Variants in TSPAN2 observed in about 807,000 individuals in gnomAD.
TSPAN2 encodes the protein tetraspanin-2.
In TSPAN2, 24 loss-of-function variants were observed where a neutral mutation model predicts 33.3. The ratio of observed to expected loss-of-function variants is 0.72; its 90% CI spans 0.52 to 1.01. The LOEUF (loss-of-function observed/expected upper bound fraction) is 1.01, where lower values mean the gene tolerates loss of function less well. Among genes scored for constraint, TSPAN2 ranks in the 50% least tolerant of loss-of-function variants. The probability of loss-of-function intolerance (pLI) is 0.00; values close to 1 mark genes in which losing one functional copy is unlikely to be tolerated. For missense variants in TSPAN2, 278 were observed against 281.3 expected, an observed-to-expected ratio of 0.99 and a Z score of 0.08; for synonymous variants, 114 against 104.5, an observed-to-expected ratio of 1.09 and a Z score of -0.56.
chr1:115,054,465 C>T (rs1019504075), intron 6 of TSPAN2, among the ~76,000 whole-genome samples: 45 of 152,158 alleles, frequency 3.0e-4, no homozygotes, highest in African/African-American at 1.1e-3. Context: ...CAAGAGATAC[C>T]TATAATGCAT....
intron 1 of TSPAN2, among the ~76,000 whole-genome samples, chr1:115,080,786 T>C (rs896541593): frequency 3.9e-5 from 6 of 152,202 alleles, no homozygotes; most frequent in Non-Finnish European, 5.9e-5. Flanking sequence ...TGGTCTTTTC[T>C]AGGTTCAGCG....
intron 3 of TSPAN2, among the ~76,000 whole-genome samples, chr1:115,061,113 A>C (rs1329754377): frequency 1.3e-5 from 2 of 152,242 alleles, no homozygotes; most frequent in African/African-American, 4.8e-5. Context: ...TAAACAAGAC[A>C]GAAATGTGCT....
Position 115,083,373 on chromosome 1 carries a change from T to G in TSPAN2, c.69+5991A>C, listed in dbSNP as rs903464277. Among the ~76,000 whole-genome samples the G allele has an allele frequency of 9.9e-5, 15 of 152,110 alleles. 1 individual carries two copies. Among genetic ancestry groups the G allele is most frequent in the Admixed American group, 7.9e-4 (12 of 15,268 alleles). ...GGCCTCCCGGTAATTCCAGAAAGCA[T>G]CAAGTATTAGCGTAAAAAAGAGACT... On this transcript the variant is annotated intron_variant, in intron 1 of 7. Coordinates refer to ENST00000369516, the MANE Select transcript of TSPAN2 (RefSeq NM_005725.6).
intron 6 of TSPAN2, among the ~76,000 whole-genome samples, chr1:115,056,399 G>C (rs942134329): frequency 6.6e-6 from 1 of 152,120 alleles, no homozygotes; most frequent in Non-Finnish European, 1.5e-5. Context: ...CACGTCACCA[G>C]TTGGTTCCTT....
At chr1:115,056,999 C>G (rs746776489) in intron 6 of TSPAN2, among the ~76,000 whole-genome samples, 17 of 152,250 alleles carry the variant, frequency 1.1e-4, no homozygotes, top group Non-Finnish European at 2.1e-4. Flanking sequence ...CCTCATCCTT[C>G]TTTTCTTCCA....
chr1:115,053,292 A>ATCTCTT, intron 7 of TSPAN2, 87 bp downstream of exon 7: 3 of 1,173,060 alleles, frequency 2.6e-6, no homozygotes, highest in Non-Finnish European at 2.5e-6. Flanking sequence ...TTCTCTCTTA[A>ATCTCTT]GATACTATCA....
At position 115,089,484 on chromosome 1, in the gene TSPAN2, G is replaced by T. The variant is rs952453200; in HGVS notation, c.-52C>A. On this transcript the variant is annotated 5_prime_UTR_variant, in exon 1 of 8. Coordinates refer to ENST00000369516, the MANE Select transcript of TSPAN2 (RefSeq NM_005725.6). ...GTCCCCAGGCCCGCGCTACGAGCGC[G>T]GGGAGCGGCAGGCTCCGGCGGGGAG... is the stretch of plus-strand genomic sequence containing the variant. The T allele has an allele frequency of 2.3e-5, 32 of 1,363,444 alleles. No individual in the cohort carries two copies. The highest frequency in any genetic ancestry group is 4.5e-5 in the African/African-American group (3 of 66,618). 84.5% of individuals were successfully genotyped at this position (1,363,444 alleles called of 1,614,324 possible). A position where few individuals can be genotyped will look rare whatever the true frequency, so the allele number is the denominator to read the frequency against.
rs1271707876 is a variant in TSPAN2 at position 115,048,807 on chromosome 1, G to A, written c.*1683C>T. The A allele has an allele frequency of 6.6e-6, 1 of 152,108 alleles. No homozygotes were observed. The highest frequency in any genetic ancestry group is 1.5e-5 in the Non-Finnish European group (1 of 67,976). The allele number at this position is 152,108 out of a possible 1,614,324, so 9.4% of individuals were successfully genotyped here. Reference sequence around the variant, plus strand: ...CTTTAGCTACAGACACAGTAAAGTAGCCATGTATAATTAAGTTTTTAGCTT... The same window carrying A: ...CTTTAGCTACAGACACAGTAAAGTAACCATGTATAATTAAGTTTTTAGCTT... On this transcript the variant is annotated 3_prime_UTR_variant, in exon 8 of 8. Coordinates refer to ENST00000369516, the MANE Select transcript of TSPAN2 (RefSeq NM_005725.6).
In TSPAN2 at chr1:115,077,816, C is replaced by T. The variant is rs146542934; in HGVS notation, c.70-4809G>A. Among the ~76,000 whole-genome samples the T allele has an allele frequency of 1.8e-3, 269 of 152,332 alleles. 3 individuals are homozygous for T. Among genetic ancestry groups the T allele is most frequent in the African/African-American group, 6.2e-3 (258 of 41,566 alleles). ...AAACATGGTCCCTAGGCAGGCGCTG[C>T]GGTTGGAGTGGGGTGGTGCTGAGAT... On this transcript the variant is annotated intron_variant, in intron 1 of 7. Transcript: ENST00000369516.
At chr1:115,058,835 C>T in intron 5 of TSPAN2, 48 bp downstream of exon 5, 1 of 1,453,312 alleles carries the variant, frequency 6.9e-7, no homozygotes, top group South Asian at 1.1e-5. Context: ...CTGGCTCACA[C>T]ATAATCTTTA....
chr1:115,066,718 G>A (rs1189170682), intron 2 of TSPAN2, among the ~76,000 whole-genome samples: 7 of 151,990 alleles, frequency 4.6e-5, no homozygotes, highest in African/African-American at 1.7e-4. Flanking sequence ...CTACATTTAT[G>A]TCCCTTCAGT....
At position 115,053,273 on chromosome 1, in the gene TSPAN2, T is replaced by C. The variant is rs78072536; in HGVS notation, c.600+106A>G. 3.0e-4 allele frequency: 296 copies of C among 975,716 alleles called. 1 individual carries two copies. The highest frequency in any genetic ancestry group is 2.6e-3 in the East Asian group (99 of 38,274). 60.4% of individuals were successfully genotyped at this position (975,716 alleles called of 1,614,324 possible). On this transcript the variant is annotated intron_variant, in intron 7 of 7. Coordinates refer to ENST00000369516, the MANE Select transcript of TSPAN2 (RefSeq NM_005725.6). ...CATTGTGAACAAAGGTCTTTTTTCT[T>C]TATGAGAATTCTCTCTTAAGATACT...
At chr1:115,063,428 T>C (rs1320771625) in intron 2 of TSPAN2, among the ~76,000 whole-genome samples, 8 of 152,172 alleles carry the variant, frequency 5.3e-5, no homozygotes, top group Non-Finnish European at 8.8e-5. Context: ...TAACAGATGT[T>C]GGCAAGGCTG....
In TSPAN2 at chr1:115,058,871, G is replaced by A. The variant is rs1054468171; in HGVS notation, c.444+12C>T. The A allele has an allele frequency of 1.3e-6, 2 of 1,586,010 alleles. No homozygotes were observed. The highest frequency in any genetic ancestry group is 3.3e-5 in the Admixed American group (2 of 59,946). On this transcript the variant is annotated intron_variant, in intron 5 of 7. Coordinates refer to ENST00000369516, the MANE Select transcript of TSPAN2 (RefSeq NM_005725.6). ...GAAGCTGTGATTTTAAGGAAGAAGT[G>A]AAGTTACTCACTGTTGAGTGGAAGG...
At chr1:115,065,837 A>G (rs1194905976) in intron 2 of TSPAN2, among the ~76,000 whole-genome samples, 3 of 152,168 alleles carry the variant, frequency 2.0e-5, no homozygotes, top group African/African-American at 4.8e-5. Context: ...ATAGAATACA[A>G]GAATTTCTTC....
rs192788476 is a variant in TSPAN2, at chr1:115,069,213, C to T, written c.172+3692G>A. On this transcript the variant is annotated intron_variant, in intron 2 of 7. Coordinates refer to ENST00000369516, the MANE Select transcript of TSPAN2 (RefSeq NM_005725.6). Reference sequence around the variant, plus strand: ...AAGAGCAAGCAGGAGGATTCAGGCCCTGCTGTGGCCTGCTGTTTTCCCTGC... The same window carrying T: ...AAGAGCAAGCAGGAGGATTCAGGCCTTGCTGTGGCCTGCTGTTTTCCCTGC... Among the ~76,000 whole-genome samples, 338 of 152,316 alleles carry T rather than the reference C, an allele frequency of 2.2e-3. 1 individual carries two copies. Among genetic ancestry groups the T allele is most frequent in the African/African-American group, 7.8e-3 (326 of 41,558 alleles).
rs542310987 is a variant in TSPAN2 at position 115,063,759 on chromosome 1, C to A, written c.173-1527G>T. Among the ~76,000 whole-genome samples, 3 of 152,294 alleles carry A rather than the reference C, an allele frequency of 2.0e-5. No individual in the cohort carries two copies. In the East Asian group the frequency reaches 5.8e-4, roughly 29 times the overall value. On this transcript the variant is annotated intron_variant, in intron 2 of 7. Coordinates refer to ENST00000369516, the MANE Select transcript of TSPAN2 (RefSeq NM_005725.6). ...AACAAAATCATGCCCTTTGCAGCAA[C>A]ATGAATGCAGCTGGAGGCCATTATC...
At chr1:115,081,329 G>A (rs1648616113) in intron 1 of TSPAN2, among the ~76,000 whole-genome samples, 1 of 152,038 alleles carries the variant, frequency 6.6e-6, no homozygotes. Flanking sequence ...TGCACCCCTG[G>A]CCCTGCTCAG....
intron 1 of TSPAN2, among the ~76,000 whole-genome samples, chr1:115,084,002 C>G (rs1162752679): frequency 6.6e-6 from 1 of 152,130 alleles, no homozygotes; most frequent in Non-Finnish European, 1.5e-5. Context: ...TGGCAGGGAA[C>G]GGTGGAGGAA....
Sources: allele counts gnomAD v4.1 joint callset (sites outside exome capture counted in the v4.1 genomes callset), GRCh38; gene constraint gnomAD v4.1.1; transcripts MANE v1.5; gene names NCBI Gene and HGNC (gene_info 2026-07-23, HGNC 2026-07-21).